The following ZBTB20 variants were observed in gnomAD, a reference collection of about 807,000 sequenced individuals.
ZBTB20 encodes zinc finger and BTB domain containing 20, also known as zinc finger and BTB domain-containing protein 20.
Under a neutral mutation model 56.9 loss-of-function variants are expected in ZBTB20, and 9 were observed. The observed-to-expected ratio is 0.16, with a 90% CI of 0.10 to 0.28. The LOEUF is 0.28. ZBTB20 is among the 10% of genes least tolerant of loss of function. The pLI is 1.00. For missense variants in ZBTB20, 655 were observed against 1,003.0 expected (o/e 0.65, Z 4.69); for synonymous variants, 417 against 420.7 (o/e 0.99, Z 0.11).
intron 6 of ZBTB20, among the ~76,000 whole-genome samples, chr3:114,627,740 A>C (rs1318691537): frequency 6.6e-6 from 1 of 152,210 alleles, no homozygotes; most frequent in East Asian, 1.9e-4. Context: ...GACACAAAAT[A>C]TCTTATACAA....
chr3:114,343,936 C>G (rs1015444541), intron 11 of ZBTB20, among the ~76,000 whole-genome samples: 1 of 152,024 alleles, frequency 6.6e-6, no homozygotes, highest in Non-Finnish European at 1.5e-5. Context: ...GTAATCCCAG[C>G]TACTCAGGAG....
intron 6 of ZBTB20, among the ~76,000 whole-genome samples, chr3:114,607,220 T>C (rs1185387600): frequency 6.6e-6 from 1 of 152,162 alleles, no homozygotes; most frequent in African/African-American, 2.4e-5. Flanking sequence ...GTTATAATAA[T>C]CTCAATATGC....
intron 3 of ZBTB20, among the ~76,000 whole-genome samples, chr3:114,950,070 C>G (rs1321754972): frequency 2.6e-5 from 4 of 151,988 alleles, no homozygotes; most frequent in Admixed American, 6.6e-5. Context: ...TCACACATGC[C>G]TGAAAAACTA....
intron 3 of ZBTB20, among the ~76,000 whole-genome samples, chr3:114,970,856 A>G (rs577057174): frequency 6.6e-6 from 1 of 152,278 alleles, no homozygotes; most frequent in South Asian, 2.1e-4. Context: ...TCTACTAAAA[A>G]TACAAAAAAT....
intron 4 of ZBTB20, among the ~76,000 whole-genome samples, chr3:114,851,811 A>T (rs1289729055): frequency 6.6e-6 from 1 of 152,130 alleles, no homozygotes; most frequent in Admixed American, 6.5e-5. Context: ...AGATATGGAT[A>T]TTCCTCCGAA....
chr3:114,864,188 CTGTT>C (rs755255269), intron 4 of ZBTB20, among the ~76,000 whole-genome samples: 2 of 152,064 alleles, frequency 1.3e-5, no homozygotes, highest in African/African-American at 2.4e-5. Context: ...CATTCCCTTT[CTGTT>C]TGTACATGTT....
At chr3:114,497,836 A>G (rs2043460687) in intron 7 of ZBTB20, among the ~76,000 whole-genome samples, 1 of 152,224 alleles carries the variant, frequency 6.6e-6, no homozygotes, top group Non-Finnish European at 1.5e-5. Flanking sequence ...GCTGTACATG[A>G]TAATTAATCA....
At chr3:114,734,532 C>A (rs2065991566) in intron 5 of ZBTB20, among the ~76,000 whole-genome samples, 1 of 151,978 alleles carries the variant, frequency 6.6e-6, no homozygotes, top group Non-Finnish European at 1.5e-5. Flanking sequence ...ATAATGAAAG[C>A]AATTTTACCA....
intron 4 of ZBTB20, among the ~76,000 whole-genome samples, chr3:114,884,181 T>A (rs2107601324): frequency 6.6e-6 from 1 of 152,080 alleles, no homozygotes; most frequent in South Asian, 2.1e-4. Flanking sequence ...CGCCTCGGCC[T>A]CCCAAAGTGC....
At chr3:114,748,080 C>A (rs1194008432) in intron 5 of ZBTB20, among the ~76,000 whole-genome samples, 4 of 151,978 alleles carry the variant, frequency 2.6e-5, no homozygotes, top group Non-Finnish European at 5.9e-5. Context: ...GAAGACATAT[C>A]AACATTGGTA....
intron 4 of ZBTB20, among the ~76,000 whole-genome samples, chr3:114,830,244 AACAG>A (rs2073773038): frequency 6.6e-6 from 1 of 151,908 alleles, no homozygotes; most frequent in Non-Finnish European, 1.5e-5. Context: ...GAACTTACCA[AACAG>A]ACAAATTATG....
chr3:114,527,262 C>T (rs1236797499), intron 6 of ZBTB20: 2 of 152,192 alleles, frequency 1.3e-5, no homozygotes, highest in Admixed American at 6.5e-5. Context: ...ATGGGAGTCT[C>T]ACAGGAGGGC....
At chr3:115,119,515 C>G (rs2084120082) in intron 1 of ZBTB20, among the ~76,000 whole-genome samples, 1 of 151,982 alleles carries the variant, frequency 6.6e-6, no homozygotes, top group Non-Finnish European at 1.5e-5. Context: ...TATAATATAT[C>G]TTATAGATGA....
At chr3:114,408,202 TA>T (rs1171993442) in intron 7 of ZBTB20, among the ~76,000 whole-genome samples, 1 of 152,200 alleles carries the variant, frequency 6.6e-6, no homozygotes, top group Admixed American at 6.5e-5. Context: ...GCTTATATGA[TA>T]AAAAATACTA....
rs1254594137 is a variant in ZBTB20, at chr3:114,748,318, CT to C, written c.-343+52782del. Among the ~76,000 whole-genome samples, 328 of 123,522 alleles carry C rather than the reference CT, an allele frequency of 2.7e-3. 1 individual carries two copies. Among genetic ancestry groups the C allele is most frequent in the East Asian group, 5.3e-3 (22 of 4,130 alleles). The allele number at this position is 123,522 out of a possible 152,430, so 81.0% of individuals were successfully genotyped here. A position where few individuals can be genotyped will look rare whatever the true frequency, so the allele number is the denominator to read the frequency against. ...TCTTTCTTTCTTTCTTTCTTTCTTTCTTTCTTTCTTTCTTTCTTCTTTCTTT... is the reference window on the plus strand; with the variant it reads ...TCTTTCTTTCTTTCTTTCTTTCTTTCTTCTTTCTTTCTTTCTTCTTTCTTT... On this transcript the variant is annotated intron_variant, in intron 5 of 11. Transcript: ENST00000675478.
chr3:114,718,769 G>A (rs1009468127), intron 5 of ZBTB20, among the ~76,000 whole-genome samples: 1 of 151,834 alleles, frequency 6.6e-6, no homozygotes, highest in African/African-American at 2.4e-5. Context: ...TCCCTTTTCC[G>A]CTTAAATTCT....
chr3:114,935,213 G>C (rs762600646), intron 3 of ZBTB20, among the ~76,000 whole-genome samples: 1 of 152,138 alleles, frequency 6.6e-6, no homozygotes, highest in African/African-American at 2.4e-5. Context: ...TTGGCAACTA[G>C]GGAATATGGG....
In ZBTB20 at chr3:114,842,674, T is replaced by C. The variant is rs1000583717; in HGVS notation, c.-416-41500A>G. Among the ~76,000 whole-genome samples, 11 of 152,292 alleles carry C rather than the reference T, an allele frequency of 7.2e-5. No homozygotes were observed. In the South Asian group the frequency reaches 2.3e-3, roughly 32 times the overall value. On this transcript the variant is annotated intron_variant, in intron 4 of 11. Transcript: ENST00000675478. ...AATATTTCAACTAAGATCTAAAAAA[T>C]GGTTGAAGTTGACTGTCTTGGCCAC...
intron 7 of ZBTB20, among the ~76,000 whole-genome samples, chr3:114,465,986 A>T (rs1461830038): frequency 6.6e-6 from 1 of 152,018 alleles, no homozygotes; most frequent in Non-Finnish European, 1.5e-5. Flanking sequence ...ATGTATGTAC[A>T]TTTGTGTGTG....
Sources: gnomAD v4.1 joint callset for allele counts (sites outside exome capture counted in the v4.1 genomes callset) on GRCh38, gnomAD v4.1.1 for gene constraint, MANE v1.5 for transcripts, NCBI Gene and HGNC (gene_info 2026-07-23, HGNC 2026-07-21) for gene names.